SUPT3H: variants seen among roughly 807,000 people sequenced by gnomAD.
SUPT3H encodes SPT3 homolog, SAGA and STAGA complex component.
A neutral mutation model predicts 44.3 loss-of-function variants in SUPT3H; 44 were observed. The observed-to-expected ratio is 0.99, with a 90% CI of 0.78 to 1.28. The LOEUF (loss-of-function observed/expected upper bound fraction) is 1.28, where lower values mean the gene tolerates loss of function less well. Among genes scored for constraint, SUPT3H ranks in the 50% most tolerant of loss-of-function variants. The probability of loss-of-function intolerance (pLI) is 0.00; values close to 1 mark genes in which losing one functional copy is unlikely to be tolerated. For synonymous variants in SUPT3H, 124 were observed against 125.6 expected (o/e 0.99, Z 0.09); for missense variants, 380 against 387.1 (o/e 0.98, Z 0.15).
At chr6:44,969,456 AAGAAATCT>A (rs1418346616) in intron 6 of SUPT3H, among the ~76,000 whole-genome samples, 2 of 151,050 alleles carry the variant, frequency 1.3e-5, no homozygotes, top group African/African-American at 5.0e-5. Flanking sequence ...TTCAAAAGTA[AAGAAATCT>A]TCTTTCCTCT....
At chr6:45,263,255 T>TG (rs1392326039) in intron 2 of SUPT3H, among the ~76,000 whole-genome samples, 1 of 152,092 alleles carries the variant, frequency 6.6e-6, no homozygotes, top group Non-Finnish European at 1.5e-5. Flanking sequence ...AAGAGTGGCC[T>TG]GGATAAAGAA....
At chr6:44,930,399 A>T (rs1285454659) in intron 10 of SUPT3H, among the ~76,000 whole-genome samples, 1 of 151,288 alleles carries the variant, frequency 6.6e-6, no homozygotes, top group East Asian at 2.0e-4. Flanking sequence ...AAAGAAAAAA[A>T]AATTATTACA....
intron 2 of SUPT3H, among the ~76,000 whole-genome samples, chr6:45,272,386 C>T (rs929298154): frequency 1.3e-5 from 2 of 152,038 alleles, no homozygotes; most frequent in African/African-American, 4.8e-5. Flanking sequence ...GTAAGTGTCA[C>T]GAGATCTGAT....
At chr6:45,356,635 C>G in intron 2 of SUPT3H, among the ~76,000 whole-genome samples, 1 of 151,958 alleles carries the variant, frequency 6.6e-6, no homozygotes, top group East Asian at 1.9e-4. Flanking sequence ...TCCTGACTGA[C>G]CTCAAGTGAT....
At chr6:45,119,676 A>C (rs1801330770) in intron 2 of SUPT3H, among the ~76,000 whole-genome samples, 1 of 152,192 alleles carries the variant, frequency 6.6e-6, no homozygotes, top group Non-Finnish European at 1.5e-5. Flanking sequence ...TAAAGAGTGG[A>C]ATTAGGTTAT....
intron 3 of SUPT3H, among the ~76,000 whole-genome samples, chr6:45,045,624 T>C (rs144328435): frequency 2.7e-4 from 41 of 152,286 alleles, no homozygotes; most frequent in Middle Eastern, 3.4e-3. Context: ...CTCTTCCTAT[T>C]TGAATATCCT....
chr6:45,022,957 G>A (rs1175155070), intron 3 of SUPT3H, among the ~76,000 whole-genome samples: 1 of 152,060 alleles, frequency 6.6e-6, no homozygotes, highest in Non-Finnish European at 1.5e-5. Flanking sequence ...GGACCATGCA[G>A]TTCAAGCCCA....
intron 2 of SUPT3H, among the ~76,000 whole-genome samples, chr6:45,213,122 T>C (rs1764403511): frequency 6.6e-6 from 1 of 152,174 alleles, no homozygotes; most frequent in Non-Finnish European, 1.5e-5. Context: ...TCAATTAGCA[T>C]ATATCCTGAA....
chr6:45,173,658 T>C (rs1811200638), intron 2 of SUPT3H, among the ~76,000 whole-genome samples: 1 of 152,216 alleles, frequency 6.6e-6, no homozygotes, highest in African/African-American at 2.4e-5. Flanking sequence ...CTGTAAACCA[T>C]ACTCTGTCAA....
At chr6:45,247,091 A>G (rs955159994) in intron 2 of SUPT3H, among the ~76,000 whole-genome samples, 3 of 152,236 alleles carry the variant, frequency 2.0e-5, no homozygotes, top group Non-Finnish European at 4.4e-5. Flanking sequence ...AATGGATCCC[A>G]CAGATGCTAA....
chr6:45,056,145 C>T (rs968581203), intron 3 of SUPT3H, among the ~76,000 whole-genome samples: 1 of 152,040 alleles, frequency 6.6e-6, no homozygotes, highest in Non-Finnish European at 1.5e-5. Context: ...CACTTTACTC[C>T]TTCTAGAATG....
At chr6:45,046,616 C>T (rs986008610) in intron 3 of SUPT3H, among the ~76,000 whole-genome samples, 8 of 152,210 alleles carry the variant, frequency 5.3e-5, no homozygotes, top group Non-Finnish European at 1.0e-4. Flanking sequence ...CAGGCGTGAG[C>T]CACCGCTCTC....
In SUPT3H at chr6:45,142,881, G is replaced by A. The variant is rs568777569; in HGVS notation, c.102-36875C>T. Among the ~76,000 whole-genome samples the A allele has an allele frequency of 1.8e-3, 277 of 151,162 alleles. 1 individual carries two copies. The highest frequency in any genetic ancestry group is 6.2e-3 in the African/African-American group (257 of 41,160). ...GAGTGGAAAGATATTTCACGCAAAT[G>A]GAAACTAAAAGCGAGCAGGAATAGC... On this transcript the variant is annotated intron_variant, in intron 2 of 10. Transcript: ENST00000371459.
At chr6:45,184,595 CACA>C (rs1202601939) in intron 2 of SUPT3H, among the ~76,000 whole-genome samples, 14 of 151,938 alleles carry the variant, frequency 9.2e-5, no homozygotes, top group African/African-American at 2.2e-4. Flanking sequence ...CAAAACACAA[CACA>C]ACAAGAAAAG....
At chr6:45,006,329 C>T (rs1336224620) in intron 5 of SUPT3H, among the ~76,000 whole-genome samples, 1 of 151,816 alleles carries the variant, frequency 6.6e-6, no homozygotes, top group African/African-American at 2.4e-5. Context: ...TTTTCTCTTG[C>T]TTTATATTTG....
intron 2 of SUPT3H, among the ~76,000 whole-genome samples, chr6:45,215,346 T>C (rs745776317): frequency 1.9e-4 from 29 of 151,926 alleles, no homozygotes; most frequent in Admixed American, 3.3e-4. Context: ...CAGACCCTAA[T>C]GAAAAAGATA....
intron 2 of SUPT3H, among the ~76,000 whole-genome samples, chr6:45,121,524 G>T (rs1008704152): frequency 2.0e-5 from 3 of 151,834 alleles, no homozygotes; most frequent in African/African-American, 4.8e-5. Flanking sequence ...TATGTGGGGG[G>T]GGGGGTGGAT....
At chr6:45,168,469 G>A (rs1797160) in intron 2 of SUPT3H, among the ~76,000 whole-genome samples, 3,271 of 152,038 alleles carry the variant, frequency 0.022, 44 homozygotes, top group Non-Finnish European at 0.033. Flanking sequence ...GCTGTATCCC[G>A]ACCACCTTGG....
intron 6 of SUPT3H, among the ~76,000 whole-genome samples, chr6:44,987,020 C>T (rs1308044156): frequency 6.6e-6 from 1 of 152,002 alleles, no homozygotes; most frequent in Non-Finnish European, 1.5e-5. Flanking sequence ...ATATTTCTCC[C>T]GGTTCTGAAG....
Sources: allele counts gnomAD v4.1 joint callset (sites outside exome capture counted in the v4.1 genomes callset), GRCh38; gene constraint gnomAD v4.1.1; transcripts MANE v1.5; gene names NCBI Gene and HGNC (gene_info 2026-07-23, HGNC 2026-07-21).